Variants in SELENOI observed in about 807,000 individuals in gnomAD.
SELENOI encodes the protein selenoprotein I.
In SELENOI, 24 loss-of-function variants were observed where a neutral mutation model predicts 50.7. The observed-to-expected ratio is 0.47, with a 90% CI of 0.34 to 0.67. SELENOI has a LOEUF of 0.67. Among genes scored for constraint, SELENOI ranks in the 30% least tolerant of loss-of-function variants. SELENOI has a pLI of 0.01. For synonymous variants in SELENOI, 155 were observed against 170.2 expected, an observed-to-expected ratio of 0.91 and a Z score of 0.70; for missense variants, 352 against 461.4, an observed-to-expected ratio of 0.76 and a Z score of 2.17.
chr2:26,383,421 AT>A, intron 7 of SELENOI, 74 bp downstream of exon 7: 1 of 1,094,604 alleles, frequency 9.1e-7, no homozygotes, highest in Non-Finnish European at 1.3e-6. Flanking sequence ...TTAGGGATCT[AT>A]TTTCCTTTTG....
At chr2:26,379,979 G>A (rs1183790380) in intron 6 of SELENOI, among the ~76,000 whole-genome samples, 1 of 152,002 alleles carries the variant, frequency 6.6e-6, no homozygotes, top group Non-Finnish European at 1.5e-5. Flanking sequence ...TTGTTTTTTT[G>A]CAGTTTTATT....
At chr2:26,371,616 C>G (rs1251806188) in intron 4 of SELENOI, among the ~76,000 whole-genome samples, 23 of 152,354 alleles carry the variant, frequency 1.5e-4, no homozygotes, top group African/African-American at 5.3e-4. Flanking sequence ...CCCGGCACCT[C>G]GGGAGGCCGA....
In SELENOI at chr2:26,391,771, T is replaced by A. The variant is rs1677975948; in HGVS notation, c.*2668T>A. 6.6e-6 allele frequency: 1 copy of A among 152,110 alleles called. No homozygotes were observed. Among genetic ancestry groups the A allele is most frequent in the Admixed American group, 6.5e-5 (1 of 15,268 alleles). 9.4% of individuals were successfully genotyped at this position (152,110 alleles called of 1,614,324 possible). A position where few individuals can be genotyped will look rare whatever the true frequency, so the allele number is the denominator to read the frequency against. On this transcript the variant is annotated 3_prime_UTR_variant, in exon 10 of 10. Transcript: ENST00000260585. ...AATTCTCCTATATTTGAGGGGGGCA[T>A]GGGATAAAAAGATTTAATAATACCT...
chr2:26,359,916 C>T (rs924818948), intron 1 of SELENOI, among the ~76,000 whole-genome samples: 4 of 152,100 alleles, frequency 2.6e-5, no homozygotes, highest in African/African-American at 9.7e-5. Context: ...CATCTCTGAG[C>T]TCTGAGGTTT....
intron 3 of SELENOI, among the ~76,000 whole-genome samples, chr2:26,366,822 CAATT>C (rs761449690): frequency 3.0e-4 from 46 of 152,136 alleles, no homozygotes; most frequent in Non-Finnish European, 5.9e-4. Flanking sequence ...AGATTAAATG[CAATT>C]AATTTCTAAA....
intron 1 of SELENOI, among the ~76,000 whole-genome samples, chr2:26,349,719 A>G (rs1407226241): frequency 8.0e-6 from 1 of 125,570 alleles, no homozygotes; most frequent in African/African-American, 3.0e-5. Flanking sequence ...TTGGGAAGGC[A>G]AAGTTTTAAT....
At chr2:26,362,998 A>G (rs1362447959) in intron 1 of SELENOI, among the ~76,000 whole-genome samples, 1 of 152,130 alleles carries the variant, frequency 6.6e-6, no homozygotes, top group Non-Finnish European at 1.5e-5. Flanking sequence ...TTAAAGTTTT[A>G]CATGTTTATG....
At chr2:26,380,159 A>C (rs907168726) in intron 6 of SELENOI, among the ~76,000 whole-genome samples, 11 of 152,196 alleles carry the variant, frequency 7.2e-5, no homozygotes, top group Non-Finnish European at 1.2e-4. Flanking sequence ...ATTATGTAAA[A>C]TATTTGTGAT....
chr2:26,351,831 C>T lies in SELENOI; in HGVS notation c.57+5542C>T, dbSNP rs74999182. 9.6e-3 allele frequency among the ~76,000 whole-genome samples: 1,460 copies of T among 152,222 alleles called. 29 individuals are homozygous for T. The highest frequency in any genetic ancestry group is 0.033 in the African/African-American group (1,381 of 41,526). Reference sequence around the variant, plus strand: ...TGGGAGATACAGATTGGATAGATTGCGGTTATTTCCATCTTTAACAAATAC... The same window carrying T: ...TGGGAGATACAGATTGGATAGATTGTGGTTATTTCCATCTTTAACAAATAC... On this transcript the variant is annotated intron_variant, in intron 1 of 9. Coordinates refer to ENST00000260585, the MANE Select transcript of SELENOI (RefSeq NM_033505.4).
intron 6 of SELENOI, among the ~76,000 whole-genome samples, chr2:26,378,103 CTG>C (rs1572334452): frequency 6.6e-6 from 1 of 152,146 alleles, no homozygotes; most frequent in East Asian, 1.9e-4. Context: ...TCCTTTGTGT[CTG>C]TGTAGTTTAG....
At position 26,386,552 on chromosome 2, in the gene SELENOI, C is replaced by G; in HGVS notation, c.1095+16C>G. ...AGTACGAGTGGTGAGTAATCTACAGCAAAATGGGTTCAATTTGGGGCTTAT... is the reference window on the plus strand; with the variant it reads ...AGTACGAGTGGTGAGTAATCTACAGGAAAATGGGTTCAATTTGGGGCTTAT... On this transcript the variant is annotated intron_variant, in intron 9 of 9. Coordinates refer to ENST00000260585, the MANE Select transcript of SELENOI (RefSeq NM_033505.4). The G allele has an allele frequency of 6.5e-7, 1 of 1,540,450 alleles. No homozygotes were observed. Among genetic ancestry groups the G allele is most frequent in the Non-Finnish European group, 8.8e-7 (1 of 1,142,160 alleles).
At chr2:26,377,798 C>T (rs1572334301) in intron 6 of SELENOI, among the ~76,000 whole-genome samples, 1 of 152,176 alleles carries the variant, frequency 6.6e-6, no homozygotes, top group African/African-American at 2.4e-5. Context: ...CTGAGTCCAA[C>T]ATCTGGGCCC....
chr2:26,351,063 T>G lies in SELENOI; in HGVS notation c.57+4774T>G, dbSNP rs77900326. ...TTGTTCACTGTTTGTTTGTTTTTTT[T>G]TTTTTTTTTTTTTGAGACGGAGTCT... On this transcript the variant is annotated intron_variant, in intron 1 of 9. Coordinates refer to ENST00000260585, the MANE Select transcript of SELENOI (RefSeq NM_033505.4). Among the ~76,000 whole-genome samples, 13 of 125,798 alleles carry G rather than the reference T, an allele frequency of 1.0e-4. No individual in the cohort carries two copies. The East Asian group carries it at 5.8e-3, about 57-fold the overall frequency. 82.5% of individuals were successfully genotyped at this position (125,798 alleles called of 152,430 possible).
chr2:26,369,607 C>T (rs2147952596), intron 4 of SELENOI, among the ~76,000 whole-genome samples: 1 of 152,246 alleles, frequency 6.6e-6, no homozygotes, highest in East Asian at 1.9e-4. Context: ...AATTAGTGTC[C>T]CTCTCTCCAG....
chr2:26,373,723 A>G (rs1322534819), intron 5 of SELENOI, 94 bp downstream of exon 5: 111 of 1,297,326 alleles, frequency 8.6e-5, no homozygotes, highest in Non-Finnish European at 1.1e-4. Context: ...GGCTTTTTTG[A>G]TTAGAATTGA....
intron 1 of SELENOI, among the ~76,000 whole-genome samples, chr2:26,347,865 TA>T (rs1461674265): frequency 6.6e-6 from 1 of 152,224 alleles, no homozygotes; most frequent in Non-Finnish European, 1.5e-5. Context: ...AAGTTTCGTG[TA>T]ATTTTCTGTT....
chr2:26,364,387 G>A lies in SELENOI; in HGVS notation c.126+17G>A. ...ATAGTAAAGGTAAGATAATTAATAT[G>A]TATGTACTTTTTGTTTTAGTAAGTT... On this transcript the variant is annotated intron_variant, in intron 2 of 9. Transcript: ENST00000260585. 7 of 1,478,888 alleles carry A rather than the reference G, an allele frequency of 4.7e-6. No homozygotes were observed. Among genetic ancestry groups the A allele is most frequent in the Non-Finnish European group, 6.5e-6 (7 of 1,084,318 alleles). The allele number at this position is 1,478,888 out of a possible 1,614,324, so 91.6% of individuals were successfully genotyped here. A position where few individuals can be genotyped will look rare whatever the true frequency, so the allele number is the denominator to read the frequency against.
intron 9 of SELENOI, among the ~76,000 whole-genome samples, chr2:26,388,057 A>G (rs892902493): frequency 1.3e-5 from 2 of 152,234 alleles, no homozygotes; most frequent in Non-Finnish European, 2.9e-5. Flanking sequence ...AACAAACTAG[A>G]TACAATTGTT....
chr2:26,362,429 T>G (rs1356618121), intron 1 of SELENOI, among the ~76,000 whole-genome samples: 1 of 152,214 alleles, frequency 6.6e-6, no homozygotes, highest in Non-Finnish European at 1.5e-5. Context: ...AAATGATTAC[T>G]ACTTATTTTG....
Sources: allele counts gnomAD v4.1 joint callset (sites outside exome capture counted in the v4.1 genomes callset), GRCh38; gene constraint gnomAD v4.1.1; transcripts MANE v1.5; gene names NCBI Gene and HGNC (gene_info 2026-07-23, HGNC 2026-07-21).